C10orf143: variants seen among roughly 807,000 people sequenced by gnomAD.
The protein encoded by C10orf143 is chromosome 10 open reading frame 143, also known as uncharacterized protein C10orf143.
chr10:130,059,828 T>C (rs7083966), downstream of C10orf143, among the ~76,000 whole-genome samples: 587 of 152,218 alleles, frequency 3.9e-3, 2 homozygotes, highest in African/African-American at 0.013. Context: ...TTCACACAAG[T>C]TGTAAAACAC....
chr10:130,060,116 C>T (rs187456077), downstream of C10orf143, among the ~76,000 whole-genome samples: 58 of 152,208 alleles, frequency 3.8e-4, 1 homozygote, highest in South Asian at 5.4e-3. Flanking sequence ...TAAGAACTGA[C>T]GGGGTTCCTT....
intron 3 of C10orf143, among the ~76,000 whole-genome samples, chr10:130,064,588 G>C (rs1860898520): frequency 6.6e-6 from 1 of 152,046 alleles, no homozygotes; most frequent in Admixed American, 6.6e-5. Flanking sequence ...TTCCAGTAGT[G>C]ACTGGTACAC....
chr10:130,047,874 A>AAGT (rs1354742575), intron 3 of C10orf143, among the ~76,000 whole-genome samples: 1 of 152,152 alleles, frequency 6.6e-6, no homozygotes, highest in Non-Finnish European at 1.5e-5. Context: ...ATCACCAGGA[A>AAGT]AGTAAGGTGG....
intron 1 of C10orf143, chr10:130,106,085 C>G: frequency 1.6e-6 from 1 of 609,486 alleles, no homozygotes; most frequent in African/African-American, 1.8e-5. Flanking sequence ...GTACTTGGGG[C>G]TGGTCCTGGG....
chr10:130,090,047 A>T (rs1380299487), intron 1 of C10orf143, among the ~76,000 whole-genome samples: 3 of 152,232 alleles, frequency 2.0e-5, no homozygotes, highest in Middle Eastern at 3.2e-3. Context: ...AAAAGAAACA[A>T]GTTGAAAATT....
intron 3 of C10orf143, among the ~76,000 whole-genome samples, chr10:130,046,408 A>G (rs1004199499): frequency 1.3e-5 from 2 of 152,054 alleles, no homozygotes; most frequent in Non-Finnish European, 2.9e-5. Flanking sequence ...CACGGAAGGC[A>G]GTCTTCGGTG....
Position 130,107,831 on chromosome 10 carries a change from C to G in C10orf143, c.69+2873G>C, listed in dbSNP as rs113814240. On this transcript the variant is annotated intron_variant, in intron 1 of 3. Transcript: ENST00000637128. ...TTCTGACACTGGGTCCCTGTCACTTCCGAGGGAACAGGACCGTAGGATGAT... is the reference window on the plus strand; with the variant it reads ...TTCTGACACTGGGTCCCTGTCACTTGCGAGGGAACAGGACCGTAGGATGAT... 68 of 1,250,494 alleles carry G rather than the reference C, an allele frequency of 5.4e-5. No homozygotes were observed. In the African/African-American group the frequency reaches 9.1e-4, roughly 17 times the overall value. 77.5% of individuals were successfully genotyped at this position (1,250,494 alleles called of 1,614,324 possible).
Position 130,065,440 on chromosome 10 carries a change from C to A in C10orf143, c.298-1057G>T, listed in dbSNP as rs2244286. 0.93 allele frequency: 141,715 copies of A among 152,200 alleles called. 66,007 individuals carry two copies. The highest frequency in any genetic ancestry group is 0.95 in the Admixed American group (14,501 of 15,266). 9.4% of individuals were successfully genotyped at this position (152,200 alleles called of 1,614,324 possible). The stretch of plus-strand genomic sequence containing the variant: ...GGGAAGGTATACCTCAAGCAGTAAG[C>A]ACAGTACAAGGTCAGACTGTTCCAG... On this transcript the variant is annotated intron_variant, in intron 3 of 3. Transcript: ENST00000637128. This position sits in a 1 kb window ranked among gnomAD's most constrained non-coding sequence, Gnocchi z 4.2.
At chr10:130,109,418 G>A (rs144512560) in intron 1 of C10orf143, among the ~76,000 whole-genome samples, 31 of 152,094 alleles carry the variant, frequency 2.0e-4, no homozygotes, top group Non-Finnish European at 3.2e-4. Flanking sequence ...CCAGCCCTAC[G>A]CCTATATTTA....
intron 1 of C10orf143, chr10:130,107,010 C>T: frequency 2.6e-6 from 3 of 1,161,622 alleles, no homozygotes; most frequent in Middle Eastern, 3.9e-4. Context: ...AAGTTAAATG[C>T]TTCTTTAAAA....
At position 130,100,390 on chromosome 10, in the gene C10orf143, C is replaced by A. The variant is rs547995151; in HGVS notation, c.69+10314G>T. On this transcript the variant is annotated intron_variant, in intron 1 of 3. Transcript: ENST00000637128. The stretch of plus-strand genomic sequence containing the variant: ...ACTAAAAATACAAAAATTAGCCAGG[C>A]GTGGTGGTGCGTGCCTGTAGTCCCA... 5.3e-5 allele frequency among the ~76,000 whole-genome samples: 8 copies of A among 151,804 alleles called. No individual in the cohort carries two copies. The East Asian group carries it at 1.6e-3, about 30-fold the overall frequency.
chr10:130,062,746 A>G (rs572470717), downstream of C10orf143, among the ~76,000 whole-genome samples: 6 of 152,252 alleles, frequency 3.9e-5, no homozygotes, highest in East Asian at 1.2e-3. Context: ...ACTCCCCTTC[A>G]CATATACACT....
At chr10:130,105,391 C>A (rs1247330777) in intron 1 of C10orf143, among the ~76,000 whole-genome samples, 1 of 152,182 alleles carries the variant, frequency 6.6e-6, no homozygotes, top group Non-Finnish European at 1.5e-5. Context: ...GTTTCAGCTG[C>A]CTCCTTTGTA....
intron 1 of C10orf143, among the ~76,000 whole-genome samples, chr10:130,109,514 C>T (rs1322611833): frequency 6.6e-6 from 1 of 152,148 alleles, no homozygotes; most frequent in Non-Finnish European, 1.5e-5. Context: ...TTAGGGCCAG[C>T]GTGCTTTGAA....
At chr10:130,107,378 C>T in intron 1 of C10orf143, 2 of 1,105,510 alleles carry the variant, frequency 1.8e-6, no homozygotes, top group Non-Finnish European at 1.4e-6. Context: ...GAGAACTATT[C>T]ATTATTATCA....
chr10:130,099,871 A>AGT (rs1554949785), intron 1 of C10orf143, among the ~76,000 whole-genome samples: 1 of 145,778 alleles, frequency 6.9e-6, no homozygotes, highest in Non-Finnish European at 1.5e-5. Flanking sequence ...ATGGACTCTC[A>AGT]CTGTCACCCA....
chr10:130,097,839 G>A (rs1416532957), intron 1 of C10orf143, among the ~76,000 whole-genome samples: 2 of 152,266 alleles, frequency 1.3e-5, no homozygotes, highest in East Asian at 3.9e-4. Context: ...CCCTTTACAA[G>A]AAAGTTCCAG....
intron 1 of C10orf143, among the ~76,000 whole-genome samples, chr10:130,108,824 A>G (rs937718873): frequency 6.6e-6 from 1 of 152,214 alleles, no homozygotes; most frequent in Admixed American, 6.5e-5. Flanking sequence ...AATAAATTTT[A>G]GTTGATTAAA....
At chr10:130,088,158 G>T (rs940575952) in intron 1 of C10orf143, among the ~76,000 whole-genome samples, 4 of 152,212 alleles carry the variant, frequency 2.6e-5, no homozygotes, top group African/African-American at 9.6e-5. Flanking sequence ...CAAGGCGGGT[G>T]GATCACCTGA....
Sources: allele counts gnomAD v4.1 joint callset (sites outside exome capture counted in the v4.1 genomes callset), GRCh38; gene constraint gnomAD v4.1.1; non-coding constraint Gnocchi (gnomAD v3.1); transcripts MANE v1.5; gene names NCBI Gene and HGNC (gene_info 2026-07-23, HGNC 2026-07-21).